Variants in MAPK6 observed in about 807,000 individuals in gnomAD.
MAPK6 encodes ERK-3.
MAPK6 carries 19 observed loss-of-function variants against 59.3 expected under a neutral mutation model. That is an observed-to-expected ratio of 0.32 (90% CI 0.22 to 0.47). MAPK6 has a LOEUF of 0.47. MAPK6 is among the 20% of genes least tolerant of loss of function. The probability of loss-of-function intolerance (pLI) is 1.00; values close to 1 mark genes in which losing one functional copy is unlikely to be tolerated. For synonymous variants in MAPK6, 316 were observed against 290.3 expected (o/e 1.09, Z -0.90); for missense variants, 724 against 847.9 (o/e 0.85, Z 1.81).
At chr15:51,999,158 G>A (rs1272377140) in intron 2 of MAPK6, among the ~76,000 whole-genome samples, 1 of 151,732 alleles carries the variant, frequency 6.6e-6, no homozygotes, top group African/African-American at 2.4e-5. Flanking sequence ...ACCACCCCTG[G>A]CTAATTTTTT....
In MAPK6 at chr15:52,065,839, T is replaced by G. The variant is rs2032401898; in HGVS notation, c.*839T>G. Reference sequence around the variant, plus strand: ...AAGGCTGTCCACGTACTTAATTTACTTAAGTGTTCATTTTAAGTAACGTGC... The same window carrying G: ...AAGGCTGTCCACGTACTTAATTTACGTAAGTGTTCATTTTAAGTAACGTGC... On this transcript the variant is annotated 3_prime_UTR_variant, in exon 6 of 6. Transcript: ENST00000261845. 6.5e-6 allele frequency: 1 copy of G among 152,676 alleles called. No homozygotes were observed. The highest frequency in any genetic ancestry group is 1.5e-5 in the Non-Finnish European group (1 of 68,038). The allele number at this position is 152,676 out of a possible 1,614,324, so 9.5% of individuals were successfully genotyped here. A position where few individuals can be genotyped will look rare whatever the true frequency, so the allele number is the denominator to read the frequency against.
rs1055145498 is a variant in MAPK6 at position 52,066,644 on chromosome 15, T to C, written c.*1644T>C. The C allele has an allele frequency of 3.9e-5, 6 of 152,054 alleles. No homozygotes were observed. The highest frequency in any genetic ancestry group is 1.4e-4 in the African/African-American group (6 of 41,416). 9.4% of individuals were successfully genotyped at this position (152,054 alleles called of 1,614,324 possible). Reference sequence around the variant, plus strand: ...CCCACCTACCTTCTCAACAACTCCATCCTCTTCACCTCACTTTTCTTTCAT... The same window carrying C: ...CCCACCTACCTTCTCAACAACTCCACCCTCTTCACCTCACTTTTCTTTCAT... On this transcript the variant is annotated 3_prime_UTR_variant, in exon 6 of 6. Coordinates refer to ENST00000261845, the MANE Select transcript of MAPK6 (RefSeq NM_002748.4).
intron 1 of MAPK6, among the ~76,000 whole-genome samples, chr15:51,974,888 T>A (rs2057153086): frequency 6.6e-6 from 1 of 150,712 alleles, no homozygotes; most frequent in African/African-American, 2.4e-5. Context: ...CAGCTAATTT[T>A]TGTATTTTTA....
intron 2 of MAPK6, among the ~76,000 whole-genome samples, chr15:51,996,592 C>T (rs766055952): frequency 6.6e-6 from 1 of 151,950 alleles, no homozygotes; most frequent in African/African-American, 2.4e-5. Flanking sequence ...AACGAGGTTT[C>T]GCCATATTGG....
At position 52,064,970 on chromosome 15, in the gene MAPK6, A is replaced by T. The variant is rs201094277; in HGVS notation, c.2136A>T (p.Thr712=). 4.3e-6 allele frequency: 7 copies of T among 1,609,764 alleles called. No individual in the cohort carries two copies. Among genetic ancestry groups the T allele is most frequent in the African/African-American group, 2.7e-5 (2 of 74,828 alleles). ...CTTCCCCTCAAATTCCTCATCAAAC[A>T]TACAGCAGCATTCTGAAACATCTGA... ...MKSSPQIPHQ[T]YSSILKHLN is the part of the protein sequence containing the mutation. The change falls in exon 6 of 6, where the codon ACA becomes ACT. Residue 712 remains threonine, a synonymous_variant. Transcript: ENST00000261845.
intron 3 of MAPK6, chr15:52,057,199 C>T (rs914934428): frequency 2.0e-5 from 3 of 152,260 alleles, no homozygotes; most frequent in Non-Finnish European, 4.4e-5. Context: ...GAAGGACCTT[C>T]TCTTTCCTGC....
Position 52,064,988 on chromosome 15 carries a change from A to G in MAPK6, c.2154A>G (p.Lys718=). 6.2e-7 allele frequency: 1 copy of G among 1,605,840 alleles called. No homozygotes were observed. Among genetic ancestry groups the G allele is most frequent in the Non-Finnish European group, 8.5e-7 (1 of 1,175,086 alleles). ...IPHQTYSSIL[K]HLN ...ATCAAACATACAGCAGCATTCTGAA[A>G]CATCTGAACTAAAACACTCAGCAGA... The change falls in exon 6 of 6, where the codon AAA becomes AAG. Residue 718 remains lysine, a synonymous_variant. Transcript: ENST00000261845.
At chr15:52,056,625 T>C (rs1292059451) in intron 3 of MAPK6, 1 of 152,202 alleles carries the variant, frequency 6.6e-6, no homozygotes, top group Non-Finnish European at 1.5e-5. Context: ...CAATTGATCT[T>C]CACCTCTTCA....
chr15:51,988,072 G>C (rs1218470606), intron 2 of MAPK6, among the ~76,000 whole-genome samples: 1 of 151,994 alleles, frequency 6.6e-6, no homozygotes, highest in Non-Finnish European at 1.5e-5. Context: ...TATGTAAACT[G>C]TTTCCCAAAT....
At chr15:52,057,515 ACTTC>A (rs566095119) in intron 3 of MAPK6, among the ~76,000 whole-genome samples, 9 of 150,944 alleles carry the variant, frequency 6.0e-5, no homozygotes, top group African/African-American at 1.9e-4. Flanking sequence ...TGTATTCCTG[ACTTC>A]CTTAATTTTC....
chr15:51,984,598 C>T (rs1012534792), intron 2 of MAPK6, among the ~76,000 whole-genome samples: 1 of 151,642 alleles, frequency 6.6e-6, no homozygotes, highest in African/African-American at 2.4e-5. Context: ...CCACCGTGCC[C>T]GGCCAGAAAC....
intron 1 of MAPK6, among the ~76,000 whole-genome samples, chr15:51,972,300 G>C (rs1202113147): frequency 6.6e-6 from 1 of 151,964 alleles, no homozygotes; most frequent in African/African-American, 2.4e-5. Context: ...CACCACACCC[G>C]GCTAATTTTT....
At chr15:52,063,024 C>A (rs2032265864) in intron 5 of MAPK6, among the ~76,000 whole-genome samples, 1 of 152,126 alleles carries the variant, frequency 6.6e-6, no homozygotes. Flanking sequence ...CACAAATCTG[C>A]AAACTACTTT....
chr15:52,025,099 G>T (rs2030715542), intron 1 of MAPK6, among the ~76,000 whole-genome samples: 1 of 151,966 alleles, frequency 6.6e-6, no homozygotes, highest in South Asian at 2.1e-4. Flanking sequence ...AAATTAGCCT[G>T]TTGTAGTGGT....
rs1303599488 is a variant in MAPK6, at chr15:52,065,988, C to CAAATGTTAGACTTGTGTGCAT, written c.*989_*1009dup. 6.6e-6 allele frequency: 1 copy of CAAATGTTAGACTTGTGTGCAT among 151,492 alleles called. No individual in the cohort carries two copies. The highest frequency in any genetic ancestry group is 1.5e-5 in the Non-Finnish European group (1 of 67,332). The allele number at this position is 151,492 out of a possible 1,614,324, so 9.4% of individuals were successfully genotyped here. A position where few individuals can be genotyped will look rare whatever the true frequency, so the allele number is the denominator to read the frequency against. The stretch of plus-strand genomic sequence containing the variant: ...TAATTGTGTTTATTTTTTAAAAAAA[C>CAAATGTTAGACTTGTGTGCAT]AAATGTTAGACTTGTGTGCATGGAA... On this transcript the variant is annotated 3_prime_UTR_variant, in exon 6 of 6. Transcript: ENST00000261845.
rs939835311 is a variant in MAPK6, at chr15:52,019,376, C to G, written c.-632C>G. 2.6e-5 allele frequency: 4 copies of G among 151,852 alleles called. No individual in the cohort carries two copies. The highest frequency in any genetic ancestry group is 9.7e-5 in the African/African-American group (4 of 41,264). The allele number at this position is 151,852 out of a possible 1,614,324, so 9.4% of individuals were successfully genotyped here. On this transcript the variant is annotated splice_region_variant and 5_prime_UTR_variant, in exon 1 of 6. Transcript: ENST00000261845. Reference sequence around the variant, plus strand: ...CTCTCTCGATGAGTCGGAGAAGTCCCGTGAGTGTGTGTGTGTACGTGTGCG... The same window carrying G: ...CTCTCTCGATGAGTCGGAGAAGTCCGGTGAGTGTGTGTGTGTACGTGTGCG...
chr15:52,050,158 A>C (rs530627774), intron 3 of MAPK6, 21 bp downstream of exon 3: 12 of 1,583,286 alleles, frequency 7.6e-6, no homozygotes, highest in East Asian at 4.5e-5. Flanking sequence ...TGTGGGGGGA[A>C]AAATTTTCCC....
intron 1 of MAPK6, among the ~76,000 whole-genome samples, chr15:52,030,691 AT>A (rs2030996134): frequency 7.7e-6 from 1 of 129,100 alleles, no homozygotes; most frequent in South Asian, 2.3e-4. Context: ...CAGCGGTGCA[AT>A]CTTGGCTCAG....
intron 1 of MAPK6, among the ~76,000 whole-genome samples, chr15:51,977,028 G>C (rs540021633): frequency 6.6e-6 from 1 of 151,622 alleles, no homozygotes; most frequent in Admixed American, 6.6e-5. Context: ...AAGGGGGATG[G>C]AGTCTCTCTC....
Sources: gnomAD v4.1 joint callset for allele counts (sites outside exome capture counted in the v4.1 genomes callset) on GRCh38, gnomAD v4.1.1 for gene constraint, MANE v1.5 for transcripts, NCBI Gene and HGNC (gene_info 2026-07-23, HGNC 2026-07-21) for gene names.